CALCRL: variants seen among roughly 807,000 people sequenced by gnomAD.
CALCRL encodes the protein calcitonin gene-related peptide type 1 receptor.
CALCRL carries 27 observed loss-of-function variants against 60.4 expected under a neutral mutation model. The ratio of observed to expected loss-of-function variants is 0.45; its 90% CI spans 0.33 to 0.62. The LOEUF is 0.62. CALCRL is among the 20% of genes least tolerant of loss of function. CALCRL has a pLI of 0.03. For missense variants in CALCRL, 424 were observed against 540.7 expected, an observed-to-expected ratio of 0.78 and a Z score of 2.14; for synonymous variants, 190 against 182.6, an observed-to-expected ratio of 1.04 and a Z score of -0.33.
intron 13 of CALCRL, 38 bp from the exon 14 acceptor site, chr2:187,351,999 A>C: frequency 1.3e-6 from 2 of 1,568,708 alleles, no homozygotes; most frequent in Non-Finnish European, 1.8e-6. Flanking sequence ...ATCCAAATGG[A>C]AAGATACATG....
chr2:187,347,937 C>T (rs182126358), intron 14 of CALCRL, among the ~76,000 whole-genome samples: 5 of 151,646 alleles, frequency 3.3e-5, no homozygotes, highest in African/African-American at 7.3e-5. Context: ...GAAATAACTT[C>T]GTATTGAAAG....
At position 187,344,755 on chromosome 2, in the gene CALCRL, T is replaced by A. The variant is rs1206138858; in HGVS notation, c.*1429A>T. Reference sequence around the variant, plus strand: ...ATAGTATCCTTCTAGTTTTTTATATTTCTTGAATAGCCTGGGACATTTCCA... The same window carrying A: ...ATAGTATCCTTCTAGTTTTTTATATATCTTGAATAGCCTGGGACATTTCCA... On this transcript the variant is annotated 3_prime_UTR_variant, in exon 15 of 15. Transcript: ENST00000392370. The A allele has an allele frequency of 6.6e-6, 1 of 151,726 alleles. No homozygotes were observed. Among genetic ancestry groups the A allele is most frequent in the Non-Finnish European group, 1.5e-5 (1 of 67,728 alleles). The allele number at this position is 151,726 out of a possible 1,614,324, so 9.4% of individuals were successfully genotyped here.
chr2:187,372,004 AT>A lies in CALCRL; in HGVS notation c.500+6935del, dbSNP rs1484403871. On this transcript the variant is annotated intron_variant, in intron 8 of 14. Transcript: ENST00000392370. ...TTGGTCTACCAGTTGGATAGAGGTT[AT>A]TTTTTTCTGAATTTTATTTGGGACC... Among the ~76,000 whole-genome samples, 4 of 152,098 alleles carry A rather than the reference AT, an allele frequency of 2.6e-5. No individual in the cohort carries two copies. In the South Asian group the frequency reaches 8.3e-4, roughly 32 times the overall value.
At chr2:187,440,146 A>G (rs1690824348) in intron 1 of CALCRL, among the ~76,000 whole-genome samples, 1 of 152,124 alleles carries the variant, frequency 6.6e-6, no homozygotes, top group South Asian at 2.1e-4. Context: ...AATAGTTTTT[A>G]AACTGGAATG....
chr2:187,424,687 G>GCTGAAAATT (rs978143718), intron 1 of CALCRL, among the ~76,000 whole-genome samples: 8 of 152,058 alleles, frequency 5.3e-5, no homozygotes, highest in East Asian at 1.9e-4. Flanking sequence ...CAAAGAGCTG[G>GCTGAAAATT]CTGAAAATTA....
intron 10 of CALCRL, 103 bp downstream of exon 10, chr2:187,360,495 A>G: frequency 2.0e-6 from 2 of 983,028 alleles, no homozygotes; most frequent in South Asian, 4.5e-5. Context: ...GATATTCTTT[A>G]AAAATGATTA....
At chr2:187,445,730 A>G (rs1471182196) in intron 1 of CALCRL, among the ~76,000 whole-genome samples, 3 of 151,510 alleles carry the variant, frequency 2.0e-5, no homozygotes, top group Non-Finnish European at 3.0e-5. Flanking sequence ...ATGAAATTTT[A>G]TTTCTGTTAT....
chr2:187,354,623 G>A (rs1331470282), intron 12 of CALCRL, among the ~76,000 whole-genome samples: 1 of 152,002 alleles, frequency 6.6e-6, no homozygotes, highest in African/African-American at 2.4e-5. Context: ...CTTAAACAAG[G>A]ACAGAATGAT....
At chr2:187,435,427 A>G (rs546788186) in intron 1 of CALCRL, among the ~76,000 whole-genome samples, 2 of 152,312 alleles carry the variant, frequency 1.3e-5, no homozygotes, top group South Asian at 4.1e-4. Flanking sequence ...CATCCCCATG[A>G]TTCAGTCTCC....
intron 12 of CALCRL, among the ~76,000 whole-genome samples, chr2:187,357,361 G>A (rs1194501784): frequency 6.6e-6 from 1 of 151,912 alleles, no homozygotes; most frequent in African/African-American, 2.4e-5. Context: ...CAGGGACATG[G>A]ATGAAGCTAG....
chr2:187,429,782 A>C (rs915892259), intron 1 of CALCRL, among the ~76,000 whole-genome samples: 2 of 152,226 alleles, frequency 1.3e-5, no homozygotes, highest in Admixed American at 1.3e-4. Context: ...AAGTTCTGTG[A>C]GACCAGGCTA....
chr2:187,359,187 A>G, intron 11 of CALCRL, 25 bp downstream of exon 11: 1 of 1,589,562 alleles, frequency 6.3e-7, no homozygotes, highest in Middle Eastern at 1.7e-4. Flanking sequence ...ATTCCAGTAG[A>G]AATAATAAAA....
chr2:187,387,095 G>C (rs907385870), intron 3 of CALCRL, among the ~76,000 whole-genome samples: 6 of 152,114 alleles, frequency 3.9e-5, no homozygotes, highest in Non-Finnish European at 8.8e-5. Context: ...TTTTAAAGGA[G>C]AGAAAAAATT....
chr2:187,369,990 A>G (rs7608001), intron 8 of CALCRL, among the ~76,000 whole-genome samples: 10,013 of 152,256 alleles, frequency 0.066, 738 homozygotes, highest in African/African-American at 0.18. Context: ...GAATGAGTAA[A>G]TTAAATTCAA....
rs1574226259 is a variant in CALCRL at position 187,363,386 on chromosome 2, GCTA to G, written c.614_616del (p.Val205del). ...TCTTGGTTTACTTACAGGATTTGTG[GCTA>G]CTAAGGCCTGGTTGTTGGCCACTGC... On this transcript the variant is annotated inframe_deletion, in exon 9 of 15. Coordinates refer to ENST00000392370, the MANE Select transcript of CALCRL (RefSeq NM_005795.6). 6.2e-7 allele frequency: 1 copy of G among 1,609,312 alleles called. No homozygotes were observed. Among genetic ancestry groups the G allele is most frequent in the Non-Finnish European group, 8.5e-7 (1 of 1,177,984 alleles).
rs1687602546 is a variant in CALCRL, at chr2:187,373,094, C to CTA, written c.500+5844_500+5845dup. ...CAAATAAGGCATGGGCAAGTCTGTC[C>CTA]TATATGTAAGCTTCAAAGCCAGTTC... On this transcript the variant is annotated intron_variant, in intron 8 of 14. Coordinates refer to ENST00000392370, the MANE Select transcript of CALCRL (RefSeq NM_005795.6). Among the ~76,000 whole-genome samples, 4 of 152,214 alleles carry CTA rather than the reference C, an allele frequency of 2.6e-5. No individual in the cohort carries two copies. The South Asian group carries it at 8.3e-4, about 32-fold the overall frequency.
intron 1 of CALCRL, among the ~76,000 whole-genome samples, chr2:187,415,103 G>C (rs1689546203): frequency 6.6e-6 from 1 of 151,996 alleles, no homozygotes; most frequent in South Asian, 2.1e-4. Flanking sequence ...AATATGTTAA[G>C]GTTCCTGCAG....
At chr2:187,351,544 G>A (rs1391159980) in intron 14 of CALCRL, among the ~76,000 whole-genome samples, 2 of 151,782 alleles carry the variant, frequency 1.3e-5, no homozygotes, top group African/African-American at 2.4e-5. Flanking sequence ...GAGAAAGAGG[G>A]AAAATGAGAT....
At chr2:187,346,894 C>A (rs987896824) in intron 14 of CALCRL, among the ~76,000 whole-genome samples, 2 of 151,644 alleles carry the variant, frequency 1.3e-5, no homozygotes, top group Admixed American at 1.3e-4. Flanking sequence ...TGAGTGACTC[C>A]CATATGCCAG....
Sources: gnomAD v4.1 joint callset for allele counts (sites outside exome capture counted in the v4.1 genomes callset) on GRCh38, gnomAD v4.1.1 for gene constraint, MANE v1.5 for transcripts, NCBI Gene and HGNC (gene_info 2026-07-23, HGNC 2026-07-21) for gene names.